The following SCYL3 variants were observed in gnomAD, a reference collection of about 807,000 sequenced individuals.
SCYL3 encodes protein-associating with the carboxyl-terminal domain of ezrin.
In SCYL3, 35 loss-of-function variants were observed where a neutral mutation model predicts 73.8. That is an observed-to-expected ratio of 0.47 (90% confidence interval 0.36 to 0.63). The LOEUF is 0.63. Ranked by LOEUF, SCYL3 falls within the 20% of genes least tolerant of loss-of-function variation. The pLI, the probability that SCYL3 is intolerant of heterozygous loss-of-function variation, is 0.00. For missense variants in SCYL3, 712 were observed against 798.9 expected (o/e 0.89, Z 1.31); for synonymous variants, 277 against 295.2 (o/e 0.94, Z 0.63).
chr1:169,852,691 A>C lies in SCYL3; in HGVS notation c.*1022T>G. The C allele has an allele frequency of 8.1e-7, 1 of 1,233,276 alleles. No individual in the cohort carries two copies. The highest frequency in any genetic ancestry group is 1.2e-6 in the Non-Finnish European group (1 of 864,394). The allele number at this position is 1,233,276 out of a possible 1,614,324, so 76.4% of individuals were successfully genotyped here. ...ATCCTCCTACCCTTGTGATCCAATG[A>C]CTAGAATAAAATTTGCATGTAAGCT... On this transcript the variant is annotated 3_prime_UTR_variant, in exon 13 of 13. Transcript: ENST00000367771.
At chr1:169,888,569 G>T in intron 2 of SCYL3, 107 bp downstream of exon 2, 1 of 834,492 alleles carries the variant, frequency 1.2e-6, no homozygotes, top group Non-Finnish European at 1.8e-6. Context: ...ATAAAATACT[G>T]GTCCTTATGA....
At chr1:169,856,129 T>C (rs892307509) in intron 11 of SCYL3, among the ~76,000 whole-genome samples, 2 of 152,216 alleles carry the variant, frequency 1.3e-5, no homozygotes, top group African/African-American at 2.4e-5. Flanking sequence ...CATTATGGAA[T>C]GGACTGCCTG....
At chr1:169,866,783 C>T (rs1368576947) in intron 8 of SCYL3, 113 bp downstream of exon 8, 2 of 675,120 alleles carry the variant, frequency 3.0e-6, no homozygotes, top group African/African-American at 1.8e-5. Context: ...AGGAAATGTT[C>T]AATAAATGTG....
At position 169,876,091 on chromosome 1, in the gene SCYL3, C is replaced by A; in HGVS notation, c.352G>T (p.Gly118Ter). ...LLALIFLHDR[G>*]HLTHNNVCLS... Reference sequence around the variant, plus strand: ...CAGACATTATTGTGTGTTAGGTGTCCCTGGAAAAAAAAAAGAACAGAAGGA... The same window carrying A: ...CAGACATTATTGTGTGTTAGGTGTCACTGGAAAAAAAAAAGAACAGAAGGA... Residue 118 changes from glycine to a stop codon, truncating the protein, a stop_gained and splice_region_variant, in exon 4 of 13, where the codon GGA becomes TGA. Coordinates refer to ENST00000367771, the MANE Select transcript of SCYL3 (RefSeq NM_020423.7). LOFTEE classifies it high-confidence loss of function. The A allele has an allele frequency of 1.3e-6, 2 of 1,548,750 alleles. No individual in the cohort carries two copies. Among genetic ancestry groups the A allele is most frequent in the Admixed American group, 2.0e-5 (1 of 49,278 alleles).
chr1:169,853,549 A>ACAGT lies in SCYL3; in HGVS notation c.*160_*163dup, dbSNP rs1228446799. On this transcript the variant is annotated 3_prime_UTR_variant, in exon 13 of 13. Transcript: ENST00000367771. ...CACCCAGGGCTTTTAGCCAGCACTC[A>ACAGT]CAGTCAGTCTCCTACTTCAGTTGGC... 15 of 696,720 alleles carry ACAGT rather than the reference A, an allele frequency of 2.2e-5. No homozygotes were observed. Among genetic ancestry groups the ACAGT allele is most frequent in the Non-Finnish European group, 3.6e-5 (15 of 413,580 alleles). The allele number at this position is 696,720 out of a possible 1,614,324, so 43.2% of individuals were successfully genotyped here. A position where few individuals can be genotyped will look rare whatever the true frequency, so the allele number is the denominator to read the frequency against.
chr1:169,877,054 A>G (rs919188691), intron 3 of SCYL3, among the ~76,000 whole-genome samples: 56 of 152,048 alleles, frequency 3.7e-4, no homozygotes, highest in African/African-American at 1.2e-3. Context: ...TCAAATAAGT[A>G]AAAGAAAGGG....
intron 8 of SCYL3, among the ~76,000 whole-genome samples, chr1:169,865,510 T>G (rs1411715695): frequency 6.6e-6 from 1 of 152,044 alleles, no homozygotes; most frequent in Non-Finnish European, 1.5e-5. Flanking sequence ...ACCAACCATC[T>G]CCCCAACTTG....
intron 11 of SCYL3, among the ~76,000 whole-genome samples, chr1:169,855,336 T>C (rs1659032823): frequency 6.6e-6 from 1 of 152,200 alleles, no homozygotes; most frequent in Non-Finnish European, 1.5e-5. Flanking sequence ...CAGGCTCAAA[T>C]AAGTTTGCCT....
At position 169,851,724 on chromosome 1, in the gene SCYL3, T is replaced by C; in HGVS notation, c.*1989A>G. 4 of 1,499,014 alleles carry C rather than the reference T, an allele frequency of 2.7e-6. No individual in the cohort carries two copies. The highest frequency in any genetic ancestry group is 1.4e-5 in the African/African-American group (1 of 71,778). 92.9% of individuals were successfully genotyped at this position (1,499,014 alleles called of 1,614,324 possible). A position where few individuals can be genotyped will look rare whatever the true frequency, so the allele number is the denominator to read the frequency against. Reference sequence around the variant, plus strand: ...GACTTCCAGAATTTGCCTAGTATGGTTGAACACTCAGCACTTAAATTATGT... The same window carrying C: ...GACTTCCAGAATTTGCCTAGTATGGCTGAACACTCAGCACTTAAATTATGT... On this transcript the variant is annotated 3_prime_UTR_variant, in exon 13 of 13. Coordinates refer to ENST00000367771, the MANE Select transcript of SCYL3 (RefSeq NM_020423.7).
intron 11 of SCYL3, among the ~76,000 whole-genome samples, chr1:169,857,882 G>C (rs191256501): frequency 3.9e-5 from 6 of 152,218 alleles, no homozygotes; most frequent in Admixed American, 3.9e-4. Flanking sequence ...GAATACTGTA[G>C]ATAATTATAA....
rs1182123923 is a variant in SCYL3 at position 169,866,891 on chromosome 1, C to T, written c.815+5G>A. The T allele has an allele frequency of 6.8e-7, 1 of 1,473,456 alleles. No individual in the cohort carries two copies. The highest frequency in any genetic ancestry group is 9.4e-7 in the Non-Finnish European group (1 of 1,061,170). The allele number at this position is 1,473,456 out of a possible 1,614,324, so 91.3% of individuals were successfully genotyped here. A position where few individuals can be genotyped will look rare whatever the true frequency, so the allele number is the denominator to read the frequency against. On this transcript the variant is annotated splice_donor_5th_base_variant and intron_variant, in intron 8 of 12. Transcript: ENST00000367771. ...CAATTTAAATTCTTAATTTTCTGAA[C>T]TTACTTAAAGAATTCCGTTTTCTCC... is the stretch of plus-strand genomic sequence containing the variant.
Position 169,852,088 on chromosome 1 carries a change from G to T in SCYL3, c.*1625C>A. On this transcript the variant is annotated 3_prime_UTR_variant, in exon 13 of 13. Transcript: ENST00000367771. ...TGTAAAATTCTGTTTTATGGTAGTT[G>T]CTTTTAAAATTAAGAAGTGGGACTA... 9.4e-7 allele frequency: 1 copy of T among 1,062,232 alleles called. No homozygotes were observed. 65.8% of individuals were successfully genotyped at this position (1,062,232 alleles called of 1,614,324 possible).
chr1:169,872,587 C>G (rs1205198619), intron 5 of SCYL3, among the ~76,000 whole-genome samples: 1 of 152,226 alleles, frequency 6.6e-6, no homozygotes, highest in Non-Finnish European at 1.5e-5. Flanking sequence ...GATCCACTGA[C>G]AGCTTGCACC....
chr1:169,866,846 T>G (rs1044047786), intron 8 of SCYL3, 50 bp downstream of exon 8: 17 of 1,010,074 alleles, frequency 1.7e-5, no homozygotes, highest in Non-Finnish European at 2.6e-5. Flanking sequence ...AGTGATTATA[T>G]GGACTTAATC....
In SCYL3 at chr1:169,855,778, T is replaced by A. The variant is rs747946546; in HGVS notation, c.1313-814A>T. The A allele has an allele frequency of 7.5e-6, 12 of 1,604,486 alleles. No homozygotes were observed. In the Admixed American group the frequency reaches 2.1e-4, roughly 28 times the overall value. On this transcript the variant is annotated intron_variant, in intron 11 of 12. Coordinates refer to ENST00000367771, the MANE Select transcript of SCYL3 (RefSeq NM_020423.7). ...TCATCCAAGCAATGGAAAAGCTATATAAATTTAATATTTCTACCTGTCTGT... is the reference window on the plus strand; with the variant it reads ...TCATCCAAGCAATGGAAAAGCTATAAAAATTTAATATTTCTACCTGTCTGT...
intron 3 of SCYL3, among the ~76,000 whole-genome samples, chr1:169,876,958 T>TAAAAAAAAAAAAAAAAA (rs61051062): frequency 1.3e-5 from 1 of 76,394 alleles, no homozygotes; most frequent in Non-Finnish European, 2.4e-5. Context: ...TTGTCTCAAA[T>TAAAAAAAAAAAAAAAAA]AAAAAAAAAA....
chr1:169,861,647 C>T (rs912042684), intron 10 of SCYL3, among the ~76,000 whole-genome samples: 1 of 152,164 alleles, frequency 6.6e-6, no homozygotes, highest in African/African-American at 2.4e-5. Flanking sequence ...TACATGGCAA[C>T]GGATGACTGA....
chr1:169,853,103 T>A lies in SCYL3; in HGVS notation c.*610A>T, dbSNP rs1658634738. 3.1e-6 allele frequency: 3 copies of A among 952,418 alleles called. No homozygotes were observed. The East Asian group carries it at 7.8e-5, about 25-fold the overall frequency. The allele number at this position is 952,418 out of a possible 1,614,324, so 59.0% of individuals were successfully genotyped here. ...GTAAAGTTGAATCTAGTGAAAATAA[T>A]CTTTATTTGACATTTAGAGAACAGG... is the stretch of plus-strand genomic sequence containing the variant. On this transcript the variant is annotated 3_prime_UTR_variant, in exon 13 of 13. Coordinates refer to ENST00000367771, the MANE Select transcript of SCYL3 (RefSeq NM_020423.7).
chr1:169,884,296 T>C (rs1407206238), intron 2 of SCYL3, among the ~76,000 whole-genome samples: 1 of 152,128 alleles, frequency 6.6e-6, no homozygotes, highest in African/African-American at 2.4e-5. Flanking sequence ...GTTTTTTTAT[T>C]TCGTTTTGTT....
Sources: gnomAD v4.1 joint callset for allele counts (sites outside exome capture counted in the v4.1 genomes callset) on GRCh38, gnomAD v4.1.1 for gene constraint, MANE v1.5 for transcripts, NCBI Gene and HGNC (gene_info 2026-07-23, HGNC 2026-07-21) for gene names.